MBNL2: variants seen among roughly 807,000 people sequenced by gnomAD.
MBNL2 encodes the protein muscleblind like splicing regulator 2.
In MBNL2, 17 loss-of-function variants were observed where a neutral mutation model predicts 41.9. The observed-to-expected ratio is 0.41, with a 90% CI of 0.28 to 0.61. MBNL2 has a LOEUF of 0.61. Ranked by LOEUF, MBNL2 falls within the 20% of genes least tolerant of loss-of-function variation. The pLI is 0.35. For synonymous variants in MBNL2, 195 were observed against 182.9 expected, an observed-to-expected ratio of 1.07 and a Z score of -0.53; for missense variants, 336 against 505.6, an observed-to-expected ratio of 0.66 and a Z score of 3.22.
At chr13:97,284,772 A>G (rs1187418323) in intron 2 of MBNL2, among the ~76,000 whole-genome samples, 1 of 152,236 alleles carries the variant, frequency 6.6e-6, no homozygotes, top group Non-Finnish European at 1.5e-5. Flanking sequence ...AGAAGGAATG[A>G]TGACAAACTG....
At chr13:97,164,994 A>G in the MBNL2 span, among the ~76,000 whole-genome samples, 1 of 152,218 alleles carries the variant, frequency 6.6e-6, no homozygotes, top group Admixed American at 6.5e-5. Flanking sequence ...ACTTGCGGTC[A>G]GGAGTTCAAG....
At chr13:97,313,919 A>G (rs1185517556) in intron 2 of MBNL2, among the ~76,000 whole-genome samples, 1 of 152,234 alleles carries the variant, frequency 6.6e-6, no homozygotes, top group Non-Finnish European at 1.5e-5. Context: ...TGGGAGTTTG[A>G]CATAATGCAC....
chr13:97,261,700 C>G (rs2048664683), intron 1 of MBNL2, among the ~76,000 whole-genome samples: 1 of 152,210 alleles, frequency 6.6e-6, no homozygotes, highest in South Asian at 2.1e-4. Flanking sequence ...GGCTGGAAGG[C>G]CCCAGCACCA....
intron 1 of MBNL2, among the ~76,000 whole-genome samples, chr13:97,244,157 A>C (rs1299317066): frequency 6.6e-6 from 1 of 152,244 alleles, no homozygotes; most frequent in African/African-American, 2.4e-5. Context: ...GGTCATAGAC[A>C]TGCTTGTAAA....
the MBNL2 span, among the ~76,000 whole-genome samples, chr13:97,203,563 G>A: frequency 1.5e-4 from 23 of 152,166 alleles, no homozygotes; most frequent in Admixed American, 1.5e-3. Context: ...GTAACTCTAT[G>A]CCTTGCTTCC....
At chr13:97,278,251 CAAAAAAAAAA>C (rs10606011) in intron 2 of MBNL2, among the ~76,000 whole-genome samples, 1 of 40,532 alleles carries the variant, frequency 2.5e-5, no homozygotes, top group African/African-American at 1.1e-4. Context: ...GAGACTGTCT[CAAAAAAAAAA>C]AAAAAAAAAA....
rs930482235 is a variant in MBNL2 at position 97,392,629 on chromosome 13, T to G, written c.*1180T>G. Reference sequence around the variant, plus strand: ...ACATATTTTAATGTTGTTTACTTTTTTAAATACTTGGTTGATCTTCAAGGT... The same window carrying G: ...ACATATTTTAATGTTGTTTACTTTTGTAAATACTTGGTTGATCTTCAAGGT... On this transcript the variant is annotated 3_prime_UTR_variant, in exon 9 of 9. Transcript: ENST00000679496. 8 of 152,450 alleles carry G rather than the reference T, an allele frequency of 5.2e-5. No individual in the cohort carries two copies. The highest frequency in any genetic ancestry group is 1.9e-4 in the African/African-American group (8 of 41,432). The allele number at this position is 152,450 out of a possible 1,614,324, so 9.4% of individuals were successfully genotyped here. A position where few individuals can be genotyped will look rare whatever the true frequency, so the allele number is the denominator to read the frequency against.
At chr13:97,275,495 T>TAAC (rs1207626321) in intron 1 of MBNL2, 137 bp from the exon 2 acceptor site, 1 of 152,254 alleles carries the variant, frequency 6.6e-6, no homozygotes, top group African/African-American at 2.4e-5. Context: ...ATTTAATGCA[T>TAAC]AACTTTTCTC....
At chr13:97,308,782 A>T (rs143192270) in intron 2 of MBNL2, among the ~76,000 whole-genome samples, 1 of 152,368 alleles carries the variant, frequency 6.6e-6, no homozygotes, top group East Asian at 1.9e-4. Flanking sequence ...AAGAAAAGGC[A>T]CTGAGAGGCA....
chr13:97,160,648 C>T, the MBNL2 span, among the ~76,000 whole-genome samples: 2 of 152,064 alleles, frequency 1.3e-5, no homozygotes, highest in African/African-American at 4.8e-5. Flanking sequence ...CTACTCATCG[C>T]TTTGTTAGAG....
At chr13:97,180,690 C>T in the MBNL2 span, among the ~76,000 whole-genome samples, 3 of 148,536 alleles carry the variant, frequency 2.0e-5, no homozygotes, top group Non-Finnish European at 4.4e-5. Flanking sequence ...TGCAGTGAGC[C>T]GAGATGGCAC....
intron 8 of MBNL2, among the ~76,000 whole-genome samples, chr13:97,376,798 A>G (rs575784451): frequency 7.9e-5 from 12 of 152,332 alleles, no homozygotes; most frequent in Admixed American, 7.8e-4. Flanking sequence ...ATTTTCCACC[A>G]TCATACCATA....
In MBNL2 at chr13:97,334,424, C is replaced by T; in HGVS notation, c.323C>T (p.Thr108Ile). 6.2e-7 allele frequency: 1 copy of T among 1,612,330 alleles called. No individual in the cohort carries two copies. The highest frequency in any genetic ancestry group is 8.5e-7 in the Non-Finnish European group (1 of 1,178,928). The change falls in exon 3 of 9, where the codon ACA becomes ATA. Residue 108 changes from threonine (T) to isoleucine (I), a missense_variant. Transcript: ENST00000679496. The surrounding 1 kb of genome is among the most constrained non-coding windows in gnomAD (Gnocchi z 5.3). ...AQQMQFMFPG[T>I]PLHPVPTFPV... is the part of the protein sequence containing the mutation. ...CAGATGCAATTTATGTTTCCAGGAA[C>T]ACCACTTCATCCAGTGGTGAGTACA...
chr13:97,258,193 T>C (rs2152865500), intron 1 of MBNL2, among the ~76,000 whole-genome samples: 1 of 152,094 alleles, frequency 6.6e-6, no homozygotes, highest in East Asian at 1.9e-4. Context: ...TTACAGAAGA[T>C]ATGCTTTGTT....
chr13:97,154,078 A>G, the MBNL2 span, among the ~76,000 whole-genome samples: 4 of 152,026 alleles, frequency 2.6e-5, no homozygotes, highest in Non-Finnish European at 5.9e-5. Context: ...GCATTCATTC[A>G]CTCCTTCATT....
At chr13:97,314,943 T>C (rs537497732) in intron 2 of MBNL2, among the ~76,000 whole-genome samples, 1 of 152,322 alleles carries the variant, frequency 6.6e-6, no homozygotes, top group South Asian at 2.1e-4. Flanking sequence ...AATTCAGGGA[T>C]TTATAAGAAT....
Position 97,268,005 on chromosome 13 carries a change from T to C in MBNL2, c.-604-7627T>C, listed in dbSNP as rs979469263. On this transcript the variant is annotated intron_variant, in intron 1 of 8. Coordinates refer to ENST00000679496, the MANE Select transcript of MBNL2 (RefSeq NM_001382683.1). This position sits in a 1 kb window ranked among gnomAD's most constrained non-coding sequence, Gnocchi z 4.6. ...GGCTTGTTAAAACACAGATTGCTCG[T>C]CCTCGTTGTCAGGGTATCTGATCCA... Among the ~76,000 whole-genome samples, 1 of 152,232 alleles carries C rather than the reference T, an allele frequency of 6.6e-6. No homozygotes were observed. Among genetic ancestry groups the C allele is most frequent in the Non-Finnish European group, 1.5e-5 (1 of 68,036 alleles).
At chr13:97,274,432 G>A (rs570940469) in intron 1 of MBNL2, among the ~76,000 whole-genome samples, 23 of 152,248 alleles carry the variant, frequency 1.5e-4, no homozygotes, top group African/African-American at 5.3e-4. Context: ...AGGAGGCAGA[G>A]GTTGCAGTGA....
At chr13:97,187,704 G>A in the MBNL2 span, among the ~76,000 whole-genome samples, 4 of 149,646 alleles carry the variant, frequency 2.7e-5, no homozygotes, top group Non-Finnish European at 5.9e-5. Context: ...TCAGGAGATC[G>A]AGACCATCCT....
Sources: gnomAD v4.1 joint callset for allele counts (sites outside exome capture counted in the v4.1 genomes callset) on GRCh38, gnomAD v4.1.1 for gene constraint, Gnocchi (gnomAD v3.1) non-coding constraint, MANE v1.5 for transcripts, NCBI Gene and HGNC (gene_info 2026-07-23, HGNC 2026-07-21) for gene names.